ZNF560: variants seen among roughly 807,000 people sequenced by gnomAD.
The protein encoded by ZNF560 is zinc finger protein 560.
Under a neutral mutation model 81.8 loss-of-function variants are expected in ZNF560, and 54 were observed. The ratio of observed to expected loss-of-function variants is 0.66; its 90% CI spans 0.53 to 0.83. The LOEUF (loss-of-function observed/expected upper bound fraction) is 0.83, where lower values mean the gene tolerates loss of function less well. Among genes scored for constraint, ZNF560 ranks in the 40% least tolerant of loss-of-function variants. The pLI is 0.00. For synonymous variants in ZNF560, 321 were observed against 317.9 expected (o/e 1.01, Z -0.10); for missense variants, 940 against 932.4 (o/e 1.01, Z -0.11).
rs374452540 is a variant in ZNF560 at position 9,467,956 on chromosome 19, G to C, written c.991C>G (p.His331Asp). 5.0e-6 allele frequency: 8 copies of C among 1,613,980 alleles called. No homozygotes were observed. In the East Asian group the frequency reaches 8.9e-5, roughly 18 times the overall value. ...ACATTTACAGCATGGCTTGTGGAGT[G>C]AGTAAATGCTTCCCCACATTGCTTC... ...EWKQCGEAFT[H>D]STSHAVNVET... The change falls in exon 10 of 10, where the codon CAC (histidine) becomes GAC (aspartate). Residue 331 changes from histidine (H) to aspartate (D), a missense_variant. Coordinates refer to ENST00000301480, the MANE Select transcript of ZNF560 (RefSeq NM_152476.3).
In ZNF560 at chr19:9,467,702, T is replaced by C. The variant is rs2073051282; in HGVS notation, c.1245A>G (p.Thr415=). 6.2e-7 allele frequency: 1 copy of C among 1,613,740 alleles called. No individual in the cohort carries two copies. Among genetic ancestry groups the C allele is most frequent in the African/African-American group, 1.3e-5 (1 of 74,848 alleles). Reference sequence around the variant, plus strand: ...TTATATGTTCAATAAGGCCTGCAGATGTACCAAAGGCTTTACCACATTCCT... The same window carrying C: ...TTATATGTTCAATAAGGCCTGCAGACGTACCAAAGGCTTTACCACATTCCT... ...GCKECGKAFG[T]SAGLIEHIRC... is the part of the protein sequence containing the mutation. Residue 415 remains threonine, a synonymous_variant, in exon 10 of 10, where the codon ACA becomes ACG. Coordinates refer to ENST00000301480, the MANE Select transcript of ZNF560 (RefSeq NM_152476.3).
rs200565306 is a variant in ZNF560 at position 9,470,530 on chromosome 19, G to C, written c.322-12C>G. On this transcript the variant is annotated splice_polypyrimidine_tract_variant and intron_variant, in intron 6 of 9. Coordinates refer to ENST00000301480, the MANE Select transcript of ZNF560 (RefSeq NM_152476.3). ...AAGGTTACCAGGTCCTAAACCATCA[G>C]ACACATGCTGATTTGAGCCAAGCAA... is the stretch of plus-strand genomic sequence containing the variant. The C allele has an allele frequency of 1.9e-6, 3 of 1,614,028 alleles. No homozygotes were observed. The East Asian group carries it at 6.7e-5, about 36-fold the overall frequency.
the ZNF560 span, among the ~76,000 whole-genome samples, chr19:9,506,209 T>C: frequency 6.6e-6 from 1 of 152,170 alleles, no homozygotes; most frequent in East Asian, 1.9e-4. Context: ...GCCACGCTGG[T>C]CTCGAACTCC....
At chr19:9,505,184 C>T in the ZNF560 span, among the ~76,000 whole-genome samples, 1 of 152,174 alleles carries the variant, frequency 6.6e-6, no homozygotes, top group African/African-American at 2.4e-5. Context: ...CCTCAGCATC[C>T]CAAGTTGCTA....
intron 2 of ZNF560, among the ~76,000 whole-genome samples, chr19:9,485,811 C>G (rs1439348958): frequency 6.6e-6 from 1 of 152,172 alleles, no homozygotes; most frequent in Admixed American, 6.5e-5. Flanking sequence ...ACTGGGATTA[C>G]AGGCATGAGC....
upstream of ZNF560, among the ~76,000 whole-genome samples, chr19:9,500,710 A>G (rs748148111): frequency 6.5e-4 from 98 of 151,462 alleles, no homozygotes; most frequent in Non-Finnish European, 1.1e-3. Flanking sequence ...GTAGGTGGGC[A>G]CTCCCAAGTG....
rs75615258 is a variant in ZNF560 at position 9,480,141 on chromosome 19, A to C, written c.-56-4772T>G. Reference sequence around the variant, plus strand: ...CAAAACAATCTAACAACATACACAGAACATTCCATCCAACAGCAGCAAAAT... The same window carrying C: ...CAAAACAATCTAACAACATACACAGCACATTCCATCCAACAGCAGCAAAAT... On this transcript the variant is annotated intron_variant, in intron 2 of 9. Transcript: ENST00000301480. Among the ~76,000 whole-genome samples, 1,180 of 152,322 alleles carry C rather than the reference A, an allele frequency of 7.7e-3. 7 individuals are homozygous for C. Among genetic ancestry groups the C allele is most frequent in the Non-Finnish European group, 0.012 (806 of 68,024 alleles).
At chr19:9,483,278 C>A (rs2073324139) in intron 2 of ZNF560, among the ~76,000 whole-genome samples, 1 of 151,922 alleles carries the variant, frequency 6.6e-6, no homozygotes, top group East Asian at 1.9e-4. Flanking sequence ...CCCCGCCGCC[C>A]CGTCTGGGAT....
chr19:9,497,837 T>A (rs1475393560), intron 2 of ZNF560, among the ~76,000 whole-genome samples: 1 of 152,162 alleles, frequency 6.6e-6, no homozygotes, highest in African/African-American at 2.4e-5. Context: ...GAAGCCTGGT[T>A]ATGAAGCTCT....
the ZNF560 span, among the ~76,000 whole-genome samples, chr19:9,453,138 C>G: frequency 6.6e-6 from 1 of 152,090 alleles, no homozygotes; most frequent in Non-Finnish European, 1.5e-5. Context: ...AAAGAAGAGA[C>G]ACAAGAGTGT....
chr19:9,493,048 C>T (rs1214465417), intron 2 of ZNF560, among the ~76,000 whole-genome samples: 2 of 152,148 alleles, frequency 1.3e-5, no homozygotes, highest in Admixed American at 1.3e-4. Context: ...GGATTAATCT[C>T]AACTACCAAA....
upstream of ZNF560, among the ~76,000 whole-genome samples, chr19:9,501,264 C>A (rs374640247): frequency 6.7e-6 from 1 of 148,504 alleles, no homozygotes; most frequent in African/African-American, 2.5e-5. Context: ...AGGCTCAAGC[C>A]ATCCTCCCAC....
chr19:9,465,652 T>C (rs2073003579), downstream of ZNF560, among the ~76,000 whole-genome samples: 1 of 152,188 alleles, frequency 6.6e-6, no homozygotes, highest in Non-Finnish European at 1.5e-5. Flanking sequence ...AATGTGACTA[T>C]TAAGGCATAT....
chr19:9,503,078 A>C (rs906248339), upstream of ZNF560, among the ~76,000 whole-genome samples: 1 of 152,108 alleles, frequency 6.6e-6, no homozygotes. Flanking sequence ...TACTGAGGCC[A>C]GGTAATGTGG....
At chr19:9,469,546 A>C in intron 8 of ZNF560, 84 bp downstream of exon 8, 1 of 1,242,090 alleles carries the variant, frequency 8.1e-7, no homozygotes, top group East Asian at 2.3e-5. Flanking sequence ...TTCTGATTCA[A>C]AGGGCATCTT....
At chr19:9,486,261 C>T (rs1339846292) in intron 2 of ZNF560, among the ~76,000 whole-genome samples, 4 of 152,004 alleles carry the variant, frequency 2.6e-5, no homozygotes, top group Admixed American at 6.6e-5. Context: ...AGCACAGGGT[C>T]CAAACTTTAT....
the ZNF560 span, among the ~76,000 whole-genome samples, chr19:9,505,633 AT>A: frequency 6.6e-6 from 1 of 151,818 alleles, no homozygotes; most frequent in Non-Finnish European, 1.5e-5. Flanking sequence ...TGTTTACTTG[AT>A]TTTTAGAGTG....
At chr19:9,496,895 C>A (rs562813841) in intron 2 of ZNF560, among the ~76,000 whole-genome samples, 3 of 151,746 alleles carry the variant, frequency 2.0e-5, no homozygotes, top group Non-Finnish European at 1.5e-5. Context: ...GAGATCACAC[C>A]ACTGCACTCC....
At chr19:9,496,713 G>C (rs886180433) in intron 2 of ZNF560, among the ~76,000 whole-genome samples, 1 of 151,488 alleles carries the variant, frequency 6.6e-6, no homozygotes, top group African/African-American at 2.4e-5. Flanking sequence ...TGAGGCAGGC[G>C]GATCACGAGG....
Sources: gnomAD v4.1 joint callset for allele counts (sites outside exome capture counted in the v4.1 genomes callset) on GRCh38, gnomAD v4.1.1 for gene constraint, MANE v1.5 for transcripts, NCBI Gene and HGNC (gene_info 2026-07-23, HGNC 2026-07-21) for gene names.